The following SNRPD3 variants were observed in gnomAD, a reference collection of about 807,000 sequenced individuals.
SNRPD3 encodes small nuclear ribonucleoprotein D3 polypeptide.
For synonymous variants in SNRPD3, 66 were observed against 58.4 expected, an observed-to-expected ratio of 1.13 and a Z score of -0.59; for missense variants, 73 against 167.5, an observed-to-expected ratio of 0.44 and a Z score of 3.11.
chr22:24,557,745 C>G lies in SNRPD3; in HGVS notation c.71C>G (p.Thr24Ser), dbSNP rs2147116798. The G allele has an allele frequency of 6.2e-7, 1 of 1,611,980 alleles. No homozygotes were observed. Among genetic ancestry groups the G allele is most frequent in the Non-Finnish European group, 8.5e-7 (1 of 1,179,012 alleles). The part of the protein sequence containing the change: ...EGHIVTCETN[T>S]GEVYRGKLIE... ...CACATTGTGACATGTGAGACGAACA[C>G]CGGTGAGGTATATCGGGGGAAGCTC... Residue 24 changes from threonine (T) to serine (S), a missense_variant, in exon 2 of 4, where the codon ACC (threonine) becomes AGC (serine). Thr to Ser is a moderately conservative substitution (Grantham distance 58). Coordinates refer to ENST00000215829, the MANE Select transcript of SNRPD3 (RefSeq NM_004175.5).
At chr22:24,557,623 A>G in intron 1 of SNRPD3, 34 bp from the exon 2 acceptor site, 1 of 1,565,872 alleles carries the variant, frequency 6.4e-7, no homozygotes, top group Non-Finnish European at 8.8e-7. Context: ...TCAGACTCTG[A>G]AAGATGAACT....
At chr22:24,570,806 G>T (rs1601572247) in intron 3 of SNRPD3, among the ~76,000 whole-genome samples, 2 of 148,038 alleles carry the variant, frequency 1.4e-5, no homozygotes, top group South Asian at 4.2e-4. Context: ...TTGCTACTAT[G>T]AAATAATTCT....
Position 24,557,694 on chromosome 22 carries a change from T to G in SNRPD3, c.20T>G (p.Ile7Ser). 6.2e-7 allele frequency: 1 copy of G among 1,613,032 alleles called. No homozygotes were observed. The highest frequency in any genetic ancestry group is 8.5e-7 in the Non-Finnish European group (1 of 1,179,304). MSIGVPIKVLHEAEGHI... is the reference protein window; with the variant it reads MSIGVPSKVLHEAEGHI... Reference sequence around the variant, plus strand: ...GCCAAGATGTCTATTGGTGTGCCGATTAAAGTACTGCATGAGGCCGAGGGC... The same window carrying G: ...GCCAAGATGTCTATTGGTGTGCCGAGTAAAGTACTGCATGAGGCCGAGGGC... The change falls in exon 2 of 4, where the codon ATT becomes AGT. Residue 7 changes from isoleucine (I) to serine (S), a missense_variant. Physicochemically the swap from Ile to Ser is moderately radical, Grantham distance 142 (BLOSUM62 -2). Coordinates refer to ENST00000215829, the MANE Select transcript of SNRPD3 (RefSeq NM_004175.5).
At position 24,573,996 on chromosome 22, in the gene SNRPD3, T is replaced by C. The variant is rs142108186; in HGVS notation, c.*2019T>C. Among the ~76,000 whole-genome samples the C allele has an allele frequency of 3.3e-5, 5 of 152,292 alleles. No homozygotes were observed. In the East Asian group the frequency reaches 9.6e-4, roughly 29 times the overall value. On this transcript the variant is annotated 3_prime_UTR_variant, in exon 4 of 4. Coordinates refer to ENST00000215829, the MANE Select transcript of SNRPD3 (RefSeq NM_004175.5). ...CCCAGGAATCTGCATTTTAAACAAT[T>C]CCCTGGTCCCCAGATAAGTAATTCT...
intron 3 of SNRPD3, among the ~76,000 whole-genome samples, chr22:24,570,960 A>G (rs1477617704): frequency 6.6e-6 from 1 of 151,824 alleles, no homozygotes; most frequent in East Asian, 1.9e-4. Context: ...CTGGGATTAC[A>G]GGCGCATACC....
At chr22:24,560,428 C>CTTTTTT (rs60835175) in intron 2 of SNRPD3, among the ~76,000 whole-genome samples, 2 of 49,074 alleles carry the variant, frequency 4.1e-5, no homozygotes, top group African/African-American at 8.0e-5. Context: ...AGCTTGCTTG[C>CTTTTTT]TTTTTTTTTT....
chr22:24,574,506 C>T lies in SNRPD3; in HGVS notation c.*2529C>T, dbSNP rs2045273645. Among the ~76,000 whole-genome samples, 1 of 152,142 alleles carries T rather than the reference C, an allele frequency of 6.6e-6. No individual in the cohort carries two copies. Among genetic ancestry groups the T allele is most frequent in the Non-Finnish European group, 1.5e-5 (1 of 68,030 alleles). On this transcript the variant is annotated 3_prime_UTR_variant, in exon 4 of 4. Coordinates refer to ENST00000215829, the MANE Select transcript of SNRPD3 (RefSeq NM_004175.5). ...GATTTGTTTGTATTTACCTCCATGT[C>T]TCAATATGAACATGTTTTCATGACT...
At chr22:24,563,201 C>CGTGT (rs1569025361) in intron 2 of SNRPD3, among the ~76,000 whole-genome samples, 23 of 121,662 alleles carry the variant, frequency 1.9e-4, no homozygotes, top group African/African-American at 7.5e-4. Flanking sequence ...GACCCTGTCT[C>CGTGT]ATATATGTGT....
intron 2 of SNRPD3, among the ~76,000 whole-genome samples, chr22:24,560,635 G>C (rs1005236026): frequency 6.7e-6 from 1 of 149,686 alleles, no homozygotes; most frequent in Non-Finnish European, 1.5e-5. Context: ...TCCCCATGTT[G>C]CCCAGGCTGG....
chr22:24,564,686 A>C (rs1169397099), intron 2 of SNRPD3, among the ~76,000 whole-genome samples: 2 of 152,162 alleles, frequency 1.3e-5, no homozygotes, highest in African/African-American at 2.4e-5. Flanking sequence ...GGAAATGCCT[A>C]GATTAAGTCT....
intron 3 of SNRPD3, among the ~76,000 whole-genome samples, chr22:24,571,242 A>G (rs991272494): frequency 2.0e-5 from 3 of 152,176 alleles, no homozygotes. Flanking sequence ...GTGCATCTAT[A>G]ATGTTTTTCA....
chr22:24,566,239 G>A (rs1301167733), intron 2 of SNRPD3, among the ~76,000 whole-genome samples: 1 of 152,116 alleles, frequency 6.6e-6, no homozygotes, highest in Non-Finnish European at 1.5e-5. Context: ...TCTAGAAACT[G>A]CTCATATACA....
In SNRPD3 at chr22:24,568,326, G is replaced by C. The variant is rs993414082; in HGVS notation, c.319+150G>C. On this transcript the variant is annotated intron_variant, in intron 3 of 3. Coordinates refer to ENST00000215829, the MANE Select transcript of SNRPD3 (RefSeq NM_004175.5). Reference sequence around the variant, plus strand: ...TGCCACCCCTTCCCCTTGCAGCGTGGAGTGATCCTGTGAGGCCATTATTTT... The same window carrying C: ...TGCCACCCCTTCCCCTTGCAGCGTGCAGTGATCCTGTGAGGCCATTATTTT... The C allele has an allele frequency of 2.7e-5, 16 of 591,390 alleles. No individual in the cohort carries two copies. The African/African-American group carries it at 3.0e-4, about 11-fold the overall frequency. 36.6% of individuals were successfully genotyped at this position (591,390 alleles called of 1,614,324 possible).
chr22:24,573,611 A>G lies in SNRPD3; in HGVS notation c.*1634A>G, dbSNP rs2045266523. On this transcript the variant is annotated 3_prime_UTR_variant, in exon 4 of 4. Transcript: ENST00000215829. ...GGCTTCAGGCCAAACATGGTGCCCC[A>G]CGCCTATAATGCCAGCACTTTGGGA... is the stretch of plus-strand genomic sequence containing the variant. 1.3e-5 allele frequency among the ~76,000 whole-genome samples: 2 copies of G among 152,216 alleles called. No homozygotes were observed. The highest frequency in any genetic ancestry group is 4.8e-5 in the African/African-American group (2 of 41,466).
rs1263348129 is a variant in SNRPD3 at position 24,557,744 on chromosome 22, A to G, written c.70A>G (p.Thr24Ala). ...EGHIVTCETN[T>A]GEVYRGKLIE... Reference sequence around the variant, plus strand: ...CCACATTGTGACATGTGAGACGAACACCGGTGAGGTATATCGGGGGAAGCT... The same window carrying G: ...CCACATTGTGACATGTGAGACGAACGCCGGTGAGGTATATCGGGGGAAGCT... The change falls in exon 2 of 4, where the codon ACC becomes GCC. Residue 24 changes from threonine (T) to alanine (A), a missense_variant. Coordinates refer to ENST00000215829, the MANE Select transcript of SNRPD3 (RefSeq NM_004175.5). The G allele has an allele frequency of 1.2e-6, 2 of 1,612,426 alleles. No individual in the cohort carries two copies. The highest frequency in any genetic ancestry group is 2.2e-5 in the East Asian group (1 of 44,764).
chr22:24,559,043 C>A (rs571831471), intron 2 of SNRPD3, among the ~76,000 whole-genome samples: 1 of 152,308 alleles, frequency 6.6e-6, no homozygotes, highest in East Asian at 1.9e-4. Context: ...TGTGCCATAG[C>A]TGCTCAGTGC....
At chr22:24,561,673 A>C (rs948948610) in intron 2 of SNRPD3, among the ~76,000 whole-genome samples, 1 of 152,126 alleles carries the variant, frequency 6.6e-6, no homozygotes, top group Non-Finnish European at 1.5e-5. Context: ...TCCTCTTAGC[A>C]CTTTTCCTTG....
rs1002885610 is a variant in SNRPD3 at position 24,556,373 on chromosome 22, TTTG to T, written c.-19+305_-19+307del. 5.1e-4 allele frequency among the ~76,000 whole-genome samples: 23 copies of T among 45,338 alleles called. 1 individual carries two copies. Among genetic ancestry groups the T allele is most frequent in the Middle Eastern group, 0.013 (1 of 80 alleles). 29.7% of individuals were successfully genotyped at this position (45,338 alleles called of 152,430 possible). A position where few individuals can be genotyped will look rare whatever the true frequency, so the allele number is the denominator to read the frequency against. On this transcript the variant is annotated intron_variant, in intron 1 of 3. Coordinates refer to ENST00000215829, the MANE Select transcript of SNRPD3 (RefSeq NM_004175.5). ...TTCCCCCAAATCCTATGAGTTTTTT[TTTG>T]TTTTTTTTTTTTTAAGTAGAGACGG...
Position 24,571,755 on chromosome 22 carries a change from A to T in SNRPD3, c.320-161A>T, listed in dbSNP as rs1339785138. On this transcript the variant is annotated intron_variant, in intron 3 of 3. Transcript: ENST00000215829. ...TGGGACTCCGTCTCAAAAAATAAAA[A>T]AAAAAAAAGGCGGGAGGTGGAAATG... is the stretch of plus-strand genomic sequence containing the variant. 2.0e-5 allele frequency among the ~76,000 whole-genome samples: 3 copies of T among 152,082 alleles called. No individual in the cohort carries two copies. In the East Asian group the frequency reaches 5.8e-4, roughly 29 times the overall value.
Sources: gnomAD v4.1 joint callset for allele counts (sites outside exome capture counted in the v4.1 genomes callset) on GRCh38, gnomAD v4.1.1 for gene constraint, MANE v1.5 for transcripts, NCBI Gene and HGNC (gene_info 2026-07-23, HGNC 2026-07-21) for gene names.